ADCY5: variants seen among roughly 807,000 people sequenced by gnomAD.
ADCY5 encodes the protein adenylate cyclase 5.
In ADCY5, 30 loss-of-function variants were observed where a neutral mutation model predicts 119.7. That is an observed-to-expected ratio of 0.25 (90% CI 0.19 to 0.34). The LOEUF (loss-of-function observed/expected upper bound fraction) is 0.34. Among genes scored for constraint, ADCY5 ranks in the 10% least tolerant of loss-of-function variants. The probability of loss-of-function intolerance (pLI) is 1.00; values close to 1 mark genes in which losing one functional copy is unlikely to be tolerated. For synonymous variants in ADCY5, 753 were observed against 762.2 expected (o/e 0.99, Z 0.20); for missense variants, 1,324 against 1,775.2 (o/e 0.75, Z 4.57).
chr3:123,322,159 G>C (rs1020259587), intron 8 of ADCY5, among the ~76,000 whole-genome samples: 8 of 152,236 alleles, frequency 5.3e-5, no homozygotes, highest in African/African-American at 1.9e-4. Flanking sequence ...GCGGGCAGCA[G>C]AGAGCTGGAC....
At position 123,439,075 on chromosome 3, in the gene ADCY5, G is replaced by GTTTTTTTTTTTTTTTTT. The variant is rs1553750271; in HGVS notation, c.1134+8336_1134+8337insAAAAAAAAAAAAAAAAA. Among the ~76,000 whole-genome samples, 3 of 2,792 alleles carry GTTTTTTTTTTTTTTTTT rather than the reference G, an allele frequency of 1.1e-3. 1 individual carries two copies. The highest frequency in any genetic ancestry group is 2.3e-3 in the Non-Finnish European group (2 of 864). 1.8% of individuals were successfully genotyped at this position (2,792 alleles called of 152,430 possible). Reference sequence around the variant, plus strand: ...TCCCACTGTGCCCAGACCCTAAAGTGCTTTTTTTTTTGAGATGGAGTCTCG... The same window carrying GTTTTTTTTTTTTTTTTT: ...TCCCACTGTGCCCAGACCCTAAAGTGTTTTTTTTTTTTTTTTTCTTTTTTTTTTGAGATGGAGTCTCG... On this transcript the variant is annotated intron_variant, in intron 1 of 20. Coordinates refer to ENST00000462833, the MANE Select transcript of ADCY5 (RefSeq NM_183357.3).
chr3:123,374,431 A>C (rs1259169864), intron 1 of ADCY5, among the ~76,000 whole-genome samples: 1 of 152,232 alleles, frequency 6.6e-6, no homozygotes, highest in Non-Finnish European at 1.5e-5. Flanking sequence ...ACTGTCTACC[A>C]GATGCTTACA....
chr3:123,364,492 G>T (rs1943364733), intron 1 of ADCY5, among the ~76,000 whole-genome samples: 1 of 152,150 alleles, frequency 6.6e-6, no homozygotes, highest in Non-Finnish European at 1.5e-5. Context: ...GATGCAAACA[G>T]CATCAATATG....
At chr3:123,343,892 G>A (rs535829060) in intron 3 of ADCY5, among the ~76,000 whole-genome samples, 130 of 152,296 alleles carry the variant, frequency 8.5e-4, no homozygotes, top group South Asian at 2.1e-3. Flanking sequence ...GTCACCACAC[G>A]TCAGACAGGG....
At chr3:123,401,510 A>T (rs1416699795) in intron 1 of ADCY5, among the ~76,000 whole-genome samples, 1 of 152,242 alleles carries the variant, frequency 6.6e-6, no homozygotes, top group African/African-American at 2.4e-5. Flanking sequence ...TAGTGGCTGG[A>T]GTCAGGTAGA....
Position 123,291,230 on chromosome 3 carries a change from C to T in ADCY5, c.3210G>A (p.Val1070=), listed in dbSNP as rs772242571. 2.5e-6 allele frequency: 4 copies of T among 1,614,120 alleles called. No homozygotes were observed. Among genetic ancestry groups the T allele is most frequent in the East Asian group, 4.5e-5 (2 of 44,878 alleles). ...TGGCGATGGAGGCGAACATGACCGC[C>T]ACACACTCACAGGACTGATAGTAGA... ...DELYYQSCEC[V]AVMFASIANF... is the part of the protein sequence containing the mutation. Residue 1070 remains valine (V), a synonymous_variant, in exon 18 of 21, where the codon GTG becomes GTA. Transcript: ENST00000462833.
At chr3:123,344,186 C>G (rs955906521) in intron 3 of ADCY5, among the ~76,000 whole-genome samples, 2 of 152,202 alleles carry the variant, frequency 1.3e-5, no homozygotes, top group Non-Finnish European at 2.9e-5. Context: ...CCAGGCCCAG[C>G]CTGTCATGCT....
At chr3:123,342,128 G>A (rs908931257) in intron 3 of ADCY5, among the ~76,000 whole-genome samples, 11 of 152,278 alleles carry the variant, frequency 7.2e-5, no homozygotes, top group South Asian at 2.1e-4. Context: ...GGTTTGAGAC[G>A]GGAATGCAGG....
intron 15 of ADCY5, among the ~76,000 whole-genome samples, chr3:123,297,863 T>C (rs1249738326): frequency 6.6e-6 from 1 of 152,248 alleles, no homozygotes; most frequent in African/African-American, 2.4e-5. Context: ...AGGTAAAATA[T>C]TTCATTAAGA....
rs1260931979 is a variant in ADCY5, at chr3:123,448,172, C to A, written c.374G>T (p.Gly125Val). The change falls in exon 1 of 21, where the codon GGG becomes GTG. Residue 125 changes from glycine (G) to valine (V), a missense_variant. By Grantham distance (109) the Gly-to-Val change is moderately radical (BLOSUM62 -3). Transcript: ENST00000462833. ...CGCAGGGGGCGCCCGGGTGCTGCCC[C>A]CGCTGGCCGCGCCCCGCCGCTGCCG... ...SRRQRRGAAS[G>V]GSTRAPPAGG... 6 of 1,156,298 alleles carry A rather than the reference C, an allele frequency of 5.2e-6. No homozygotes were observed. The highest frequency in any genetic ancestry group is 4.0e-5 in the South Asian group (1 of 24,834). 71.6% of individuals were successfully genotyped at this position (1,156,298 alleles called of 1,614,324 possible). A position where few individuals can be genotyped will look rare whatever the true frequency, so the allele number is the denominator to read the frequency against.
At chr3:123,383,547 T>C (rs1576647575) in intron 1 of ADCY5, among the ~76,000 whole-genome samples, 1 of 152,258 alleles carries the variant, frequency 6.6e-6, no homozygotes, top group South Asian at 2.1e-4. Context: ...GCTGCCCTGG[T>C]ATTCCAGGCT....
chr3:123,301,965 C>T (rs1939878839), intron 14 of ADCY5, among the ~76,000 whole-genome samples: 1 of 152,198 alleles, frequency 6.6e-6, no homozygotes, highest in Non-Finnish European at 1.5e-5. Flanking sequence ...GAGCTGGGGC[C>T]AAGCCCTGCT....
intron 1 of ADCY5, among the ~76,000 whole-genome samples, chr3:123,380,281 G>C (rs1332307994): frequency 6.6e-6 from 1 of 152,192 alleles, no homozygotes; most frequent in Non-Finnish European, 1.5e-5. Context: ...CTTGAGTAGG[G>C]GAAAGTGACC....
At chr3:123,327,537 G>A in intron 7 of ADCY5, 81 bp downstream of exon 7, 3 of 1,389,126 alleles carry the variant, frequency 2.2e-6, no homozygotes, top group Middle Eastern at 2.4e-4. Flanking sequence ...CTCAAGGAAA[G>A]AGAAGGAAGC....
At chr3:123,323,801 A>G (rs1353052506) in intron 8 of ADCY5, among the ~76,000 whole-genome samples, 1 of 152,080 alleles carries the variant, frequency 6.6e-6, no homozygotes. Flanking sequence ...CTAGGACTGA[A>G]GGAGCATGCC....
At chr3:123,310,258 T>G (rs1316992789) in intron 12 of ADCY5, among the ~76,000 whole-genome samples, 1 of 151,408 alleles carries the variant, frequency 6.6e-6, no homozygotes, top group Non-Finnish European at 1.5e-5. Flanking sequence ...GGCACCTAGA[T>G]CAGGCGGTGG....
At position 123,323,685 on chromosome 3, in the gene ADCY5, G is replaced by A. The variant is rs550678469; in HGVS notation, c.2088+1637C>T. Among the ~76,000 whole-genome samples the A allele has an allele frequency of 2.6e-5, 4 of 151,776 alleles. No individual in the cohort carries two copies. The South Asian group carries it at 6.3e-4, about 24-fold the overall frequency. ...ATTTTTATTTTTATTTTTGAGATACGGTCTCGCTCTGTCCCCCAGGCTGGA... is the reference window on the plus strand; with the variant it reads ...ATTTTTATTTTTATTTTTGAGATACAGTCTCGCTCTGTCCCCCAGGCTGGA... On this transcript the variant is annotated intron_variant, in intron 8 of 20. Transcript: ENST00000462833.
rs1162758992 is a variant in ADCY5, at chr3:123,347,895, G to C, written c.1293C>G (p.Leu431=). ...SQRENQQQER[L]LLSVLPRHVA... ...CATGACGGGGAAGGACAGACAGCAG[G>C]AGCCGTTCCTGCAGAGGGAAGCACA... is the stretch of plus-strand genomic sequence containing the variant. The change falls in exon 3 of 21, where the codon CTC becomes CTG. Residue 431 remains leucine (L), a synonymous_variant. Coordinates refer to ENST00000462833, the MANE Select transcript of ADCY5 (RefSeq NM_183357.3). 11 of 1,613,984 alleles carry C rather than the reference G, an allele frequency of 6.8e-6. No individual in the cohort carries two copies. Among genetic ancestry groups the C allele is most frequent in the Non-Finnish European group, 9.3e-6 (11 of 1,180,012 alleles).
rs1400256469 is a variant in ADCY5 at position 123,396,775 on chromosome 3, AAGGAAGGCAGGC to A, written c.1135-44206_1135-44195del. ...GAAGGAAGGAAGGAAGGAAGGAAGG[AAGGAAGGCAGGC>A]AGGCAGGCAGGCAGGCAGGCAGGCA... On this transcript the variant is annotated intron_variant, in intron 1 of 20. Coordinates refer to ENST00000462833, the MANE Select transcript of ADCY5 (RefSeq NM_183357.3). Among the ~76,000 whole-genome samples, 608 of 70,640 alleles carry A rather than the reference AAGGAAGGCAGGC, an allele frequency of 8.6e-3. 2 individuals are homozygous for A. Among genetic ancestry groups the A allele is most frequent in the Non-Finnish European group, 0.011 (368 of 34,854 alleles). 46.3% of individuals were successfully genotyped at this position (70,640 alleles called of 152,430 possible).
Sources: allele counts gnomAD v4.1 joint callset (sites outside exome capture counted in the v4.1 genomes callset), GRCh38; gene constraint gnomAD v4.1.1; transcripts MANE v1.5; gene names NCBI Gene and HGNC (gene_info 2026-07-23, HGNC 2026-07-21).